Variants in CUL1 observed in about 807,000 individuals in gnomAD.
CUL1 encodes cullin 1.
CUL1 carries 24 observed loss-of-function variants against 118.0 expected under a neutral mutation model. The observed-to-expected ratio is 0.20, with a 90% CI of 0.15 to 0.29. The LOEUF (loss-of-function observed/expected upper bound fraction) is 0.29, where lower values mean the gene tolerates loss of function less well. Among genes scored for constraint, CUL1 ranks in the 10% least tolerant of loss-of-function variants. The probability of loss-of-function intolerance (pLI) is 1.00; values close to 1 mark genes in which losing one functional copy is unlikely to be tolerated. For missense variants in CUL1, 361 were observed against 933.8 expected, an observed-to-expected ratio of 0.39 and a Z score of 7.99; for synonymous variants, 332 against 340.4, an observed-to-expected ratio of 0.98 and a Z score of 0.27.
chr7:148,778,347 A>G (rs1800489260), intron 9 of CUL1, among the ~76,000 whole-genome samples: 1 of 152,066 alleles, frequency 6.6e-6, no homozygotes, highest in Non-Finnish European at 1.5e-5. Flanking sequence ...TCCCCTGAGC[A>G]CGCACAGACT....
intron 2 of CUL1, among the ~76,000 whole-genome samples, chr7:148,733,425 C>T (rs1308855994): frequency 1.3e-5 from 2 of 152,192 alleles, no homozygotes; most frequent in Non-Finnish European, 2.9e-5. Context: ...GAGCCATCTT[C>T]ACTTAAAGCC....
intron 9 of CUL1, among the ~76,000 whole-genome samples, chr7:148,775,275 A>G (rs1800359016): frequency 6.6e-6 from 1 of 152,234 alleles, no homozygotes; most frequent in Non-Finnish European, 1.5e-5. Context: ...CTGTCCAGTC[A>G]TTGATAAAAT....
chr7:148,789,034 C>A (rs780027607), intron 14 of CUL1, among the ~76,000 whole-genome samples: 1 of 152,178 alleles, frequency 6.6e-6, no homozygotes, highest in Non-Finnish European at 1.5e-5. Flanking sequence ...CCTGTGGCTT[C>A]AGACTGGGAT....
chr7:148,781,175 G>A (rs1395642575), intron 9 of CUL1, among the ~76,000 whole-genome samples: 6 of 134,334 alleles, frequency 4.5e-5, no homozygotes, highest in African/African-American at 1.4e-4. Flanking sequence ...TCCATCTCCC[G>A]GTTCAAGCGA....
chr7:148,776,616 C>T (rs1013964788), intron 9 of CUL1, among the ~76,000 whole-genome samples: 5 of 151,984 alleles, frequency 3.3e-5, no homozygotes, highest in Non-Finnish European at 7.4e-5. Flanking sequence ...CACGTCCGGC[C>T]GAGGCTGTCA....
intron 9 of CUL1, among the ~76,000 whole-genome samples, chr7:148,772,778 C>G (rs558128315): frequency 4.7e-4 from 72 of 152,258 alleles, no homozygotes; most frequent in African/African-American, 1.7e-3. Flanking sequence ...ACCCTGCCCT[C>G]ATGCCTTGTT....
intron 1 of CUL1, among the ~76,000 whole-genome samples, chr7:148,729,092 G>A (rs1798674617): frequency 6.6e-6 from 1 of 152,196 alleles, no homozygotes. Flanking sequence ...GCATTGAGAA[G>A]TATTGGTTTG....
At chr7:148,767,038 C>G (rs1050318094) in intron 8 of CUL1, among the ~76,000 whole-genome samples, 2 of 152,128 alleles carry the variant, frequency 1.3e-5, no homozygotes, top group Non-Finnish European at 2.9e-5. Flanking sequence ...TTATATTTCC[C>G]TTAACCACTC....
At chr7:148,790,146 C>T (rs749212256) in intron 15 of CUL1, among the ~76,000 whole-genome samples, 164 bp from the exon 16 acceptor site, 2 of 152,208 alleles carry the variant, frequency 1.3e-5, no homozygotes, top group Non-Finnish European at 2.9e-5. Context: ...CCTTCCAGTG[C>T]TTAAAGTGCT....
At chr7:148,724,605 C>T (rs1034575919) in intron 1 of CUL1, among the ~76,000 whole-genome samples, 35 of 152,152 alleles carry the variant, frequency 2.3e-4, no homozygotes, top group Admixed American at 2.0e-3. Context: ...AATCCCTCTC[C>T]GGGGATTGGC....
At chr7:148,794,828 A>T (rs1040609464) in intron 17 of CUL1, among the ~76,000 whole-genome samples, 4 of 152,076 alleles carry the variant, frequency 2.6e-5, no homozygotes, top group African/African-American at 9.7e-5. Flanking sequence ...TATAAATGGA[A>T]TTGGTTTTTA....
intron 7 of CUL1, among the ~76,000 whole-genome samples, chr7:148,763,110 G>T (rs1386514197): frequency 6.6e-6 from 1 of 151,894 alleles, no homozygotes; most frequent in African/African-American, 2.4e-5. Context: ...TCGCGCCATT[G>T]CACTCCAGCC....
intron 17 of CUL1, among the ~76,000 whole-genome samples, chr7:148,797,421 GGC>G (rs1359864670): frequency 1.4e-5 from 2 of 147,572 alleles, no homozygotes; most frequent in African/African-American, 5.0e-5. Context: ...AAATGCTCAT[GGC>G]GCAGTTGAAA....
At chr7:148,720,408 CA>C (rs999249260) in intron 1 of CUL1, among the ~76,000 whole-genome samples, 4 of 151,940 alleles carry the variant, frequency 2.6e-5, no homozygotes, top group African/African-American at 7.3e-5. Context: ...GATTTTTCAT[CA>C]GGGGTAAGAA....
chr7:148,762,671 A>C (rs1327912119), intron 7 of CUL1, among the ~76,000 whole-genome samples: 1 of 152,138 alleles, frequency 6.6e-6, no homozygotes, highest in Non-Finnish European at 1.5e-5. Context: ...TATCCCAAAG[A>C]CCTCTTATCC....
rs745618749 is a variant in CUL1, at chr7:148,757,027, T to C, written c.360T>C (p.Thr120=). 5.0e-6 allele frequency: 8 copies of C among 1,609,162 alleles called. No homozygotes were observed. The African/African-American group carries it at 8.0e-5, about 16-fold the overall frequency. ...ATGAGAGTGTACTGAAATTCTACAC[T>C]CAACAATGGGAAGATTATCGATTTT... ...LMDESVLKFY[T]QQWEDYRFSS... The change falls in exon 4 of 22, where the codon ACT becomes ACC. Residue 120 remains threonine (T), a synonymous_variant. Transcript: ENST00000325222.
chr7:148,734,274 TCTCA>T (rs1798866192), intron 2 of CUL1, among the ~76,000 whole-genome samples: 2 of 152,158 alleles, frequency 1.3e-5, no homozygotes, highest in African/African-American at 2.4e-5. Context: ...TAAGACAGAG[TCTCA>T]CTCTGTCAAC....
intron 2 of CUL1, among the ~76,000 whole-genome samples, chr7:148,750,797 T>A (rs1261885547): frequency 6.6e-6 from 1 of 152,168 alleles, no homozygotes; most frequent in African/African-American, 2.4e-5. Context: ...CTGAAAATCC[T>A]AAGGCCCTTA....
At chr7:148,756,678 T>A (rs952093347) in intron 3 of CUL1, among the ~76,000 whole-genome samples, 3 of 152,276 alleles carry the variant, frequency 2.0e-5, no homozygotes, top group African/African-American at 7.2e-5. Context: ...GATGATTTTG[T>A]GGTATATTTC....
Sources: gnomAD v4.1 joint callset for allele counts (sites outside exome capture counted in the v4.1 genomes callset) on GRCh38, gnomAD v4.1.1 for gene constraint, MANE v1.5 for transcripts, NCBI Gene and HGNC (gene_info 2026-07-23, HGNC 2026-07-21) for gene names.